RABGEF1: variants seen among roughly 807,000 people sequenced by gnomAD.
RABGEF1 encodes RAB guanine nucleotide exchange factor 1, also known as rab5 GDP/GTP exchange factor.
A neutral mutation model predicts 57.3 loss-of-function variants in RABGEF1; 26 were observed. The observed-to-expected ratio is 0.45, with a 90% CI of 0.33 to 0.63. The LOEUF is 0.63. Among genes scored for constraint, RABGEF1 ranks in the 20% least tolerant of loss-of-function variants. The pLI is 0.02. For missense variants in RABGEF1, 464 were observed against 607.6 expected, an observed-to-expected ratio of 0.76 and a Z score of 2.48; for synonymous variants, 185 against 210.7, an observed-to-expected ratio of 0.88 and a Z score of 1.06.
chr7:66,684,211 C>T (rs1277893678), intron 1 of RABGEF1, among the ~76,000 whole-genome samples: 1 of 151,974 alleles, frequency 6.6e-6, no homozygotes, highest in Non-Finnish European at 1.5e-5. Flanking sequence ...TTTGGGAGGC[C>T]GAGGCGGTTG....
In RABGEF1 at chr7:66,688,085, CAAAAAAAA is replaced by C. The variant is rs60925853; in HGVS notation, c.-873+5842_-873+5849del. ...GGGCAACAAGAGTGAAACTCTGTGT[CAAAAAAAA>C]AAAAAAAAAAAAAAGTAACCAAATG... On this transcript the variant is annotated intron_variant and NMD_transcript_variant, in intron 1 of 9. Transcript: ENST00000607882. Among the ~76,000 whole-genome samples, 5 of 109,168 alleles carry C rather than the reference CAAAAAAAA, an allele frequency of 4.6e-5. No individual in the cohort carries two copies. In the Admixed American group the frequency reaches 5.2e-4, roughly 11 times the overall value. 71.6% of individuals were successfully genotyped at this position (109,168 alleles called of 152,430 possible). A position where few individuals can be genotyped will look rare whatever the true frequency, so the allele number is the denominator to read the frequency against.
Position 66,805,358 on chromosome 7 carries a change from C to T in RABGEF1, c.1039C>T (p.Leu347=), listed in dbSNP as rs1487169104. The T allele has an allele frequency of 6.2e-7, 1 of 1,614,254 alleles. No individual in the cohort carries two copies. Among genetic ancestry groups the T allele is most frequent in the Non-Finnish European group, 8.5e-7 (1 of 1,180,050 alleles). The part of the protein sequence containing the change: ...YITRFCNPSR[L]MTGEDGYYFT... ...CACGCGCTTCTGCAATCCAAGCCGA[C>T]TGATGACTGGAGAGGATGGCTACTA... Residue 347 remains leucine, a synonymous_variant, in exon 8 of 9, where the codon CTG becomes TTG. Coordinates refer to ENST00000284957, the MANE Select transcript of RABGEF1 (RefSeq NM_014504.3).
At chr7:66,673,476 G>C in the RABGEF1 span, among the ~76,000 whole-genome samples, 1 of 151,490 alleles carries the variant, frequency 6.6e-6, no homozygotes, top group Non-Finnish European at 1.5e-5. Context: ...GCATGTTCCT[G>C]AACCTGTCTG....
chr7:66,656,849 A>C, the RABGEF1 span, among the ~76,000 whole-genome samples: 1 of 149,672 alleles, frequency 6.7e-6, no homozygotes, highest in Non-Finnish European at 1.5e-5. Context: ...AAAGTAACCA[A>C]ATGAGACCAG....
At chr7:66,657,536 A>C in the RABGEF1 span, among the ~76,000 whole-genome samples, 1 of 152,250 alleles carries the variant, frequency 6.6e-6, no homozygotes, top group African/African-American at 2.4e-5. Context: ...TTTAAAAATA[A>C]GAAAGCCAGC....
chr7:66,767,008 T>C (rs1403091173), intron 1 of RABGEF1, among the ~76,000 whole-genome samples: 1 of 148,262 alleles, frequency 6.7e-6, no homozygotes, highest in African/African-American at 2.5e-5. Flanking sequence ...TTCTTTTTTT[T>C]TTTTTTTTTT....
In RABGEF1 at chr7:66,809,407, A is replaced by G. The variant is rs1348005792; in HGVS notation, c.*123A>G. 1.3e-5 allele frequency: 14 copies of G among 1,116,848 alleles called. No individual in the cohort carries two copies. The highest frequency in any genetic ancestry group is 1.6e-5 in the Non-Finnish European group (13 of 801,580). The allele number at this position is 1,116,848 out of a possible 1,614,324, so 69.2% of individuals were successfully genotyped here. On this transcript the variant is annotated 3_prime_UTR_variant, in exon 9 of 9. Transcript: ENST00000284957. Reference sequence around the variant, plus strand: ...AAATGTCAGCATTTTTTAAAGGTACAGTATATGGGGATTGTTTCGTTTTTC... The same window carrying G: ...AAATGTCAGCATTTTTTAAAGGTACGGTATATGGGGATTGTTTCGTTTTTC...
the RABGEF1 span, among the ~76,000 whole-genome samples, chr7:66,656,287 T>G: frequency 6.6e-6 from 1 of 152,088 alleles, no homozygotes; most frequent in Non-Finnish European, 1.5e-5. Flanking sequence ...CAGCTGATTT[T>G]TAAATATTTT....
chr7:66,695,792 C>G (rs1792230964), intron 1 of RABGEF1, among the ~76,000 whole-genome samples: 1 of 151,978 alleles, frequency 6.6e-6, no homozygotes, highest in Non-Finnish European at 1.5e-5. Context: ...ATGGTGAAAC[C>G]CTGTCTTTAC....
At chr7:66,776,791 AGGG>A (rs1247362488) in intron 3 of RABGEF1, among the ~76,000 whole-genome samples, 1 of 152,204 alleles carries the variant, frequency 6.6e-6, no homozygotes, top group African/African-American at 2.4e-5. Context: ...TCTACGAAAA[AGGG>A]GGGAAAAATT....
In RABGEF1 at chr7:66,811,136, C is replaced by G. The variant is rs1562902526; in HGVS notation, c.*1852C>G. ...TTAATTCCTTTGGAAATACACAGTT[C>G]GTTTAGTTACTGTACACTCTGTTTG... On this transcript the variant is annotated 3_prime_UTR_variant, in exon 9 of 9. Transcript: ENST00000284957. The G allele has an allele frequency of 6.6e-6, 1 of 151,382 alleles. No individual in the cohort carries two copies. Among genetic ancestry groups the G allele is most frequent in the African/African-American group, 2.4e-5 (1 of 41,272 alleles). The allele number at this position is 151,382 out of a possible 1,614,324, so 9.4% of individuals were successfully genotyped here. A position where few individuals can be genotyped will look rare whatever the true frequency, so the allele number is the denominator to read the frequency against.
the RABGEF1 span, among the ~76,000 whole-genome samples, chr7:66,657,885 C>T: frequency 6.6e-6 from 1 of 152,046 alleles, no homozygotes; most frequent in Admixed American, 6.6e-5. Context: ...CCTCACTATA[C>T]CCTCTAAAGG....
chr7:66,778,982 G>C (rs1809214052), intron 3 of RABGEF1, among the ~76,000 whole-genome samples: 1 of 152,124 alleles, frequency 6.6e-6, no homozygotes, highest in Non-Finnish European at 1.5e-5. Flanking sequence ...AGGTGTGGAA[G>C]TGTGCGCCTG....
chr7:66,720,274 T>G (rs919054623), intron 2 of RABGEF1, among the ~76,000 whole-genome samples: 2 of 150,660 alleles, frequency 1.3e-5, no homozygotes, highest in Admixed American at 6.6e-5. Context: ...CTCGGCTCAC[T>G]GTAACCTCTG....
chr7:66,657,224 G>A, the RABGEF1 span, among the ~76,000 whole-genome samples: 1 of 152,198 alleles, frequency 6.6e-6, no homozygotes. Context: ...ATATTGTCCA[G>A]AGTATACAGT....
chr7:66,682,440 G>T (rs1317473942), intron 1 of RABGEF1, among the ~76,000 whole-genome samples: 7 of 152,174 alleles, frequency 4.6e-5, no homozygotes, highest in Non-Finnish European at 1.0e-4. Flanking sequence ...GGCCGCCCTC[G>T]GTTCCCTTAA....
At chr7:66,711,639 T>G (rs1794792605) in intron 1 of RABGEF1, among the ~76,000 whole-genome samples, 1 of 152,046 alleles carries the variant, frequency 6.6e-6, no homozygotes, top group Non-Finnish European at 1.5e-5. Context: ...CAGGCTGGGA[T>G]GCAGTGGCAC....
intron 4 of RABGEF1, among the ~76,000 whole-genome samples, chr7:66,795,190 G>A (rs976245025): frequency 3.3e-5 from 5 of 152,066 alleles, no homozygotes; most frequent in South Asian, 2.1e-4. Flanking sequence ...TGAGTGTCTC[G>A]GATTCCCCCT....
At chr7:66,785,829 G>A (rs1811044551) in intron 4 of RABGEF1, among the ~76,000 whole-genome samples, 1 of 151,890 alleles carries the variant, frequency 6.6e-6, no homozygotes, top group Non-Finnish European at 1.5e-5. Flanking sequence ...AGCGGAGATT[G>A]CACCACTGCA....
Sources: allele counts gnomAD v4.1 joint callset (sites outside exome capture counted in the v4.1 genomes callset), GRCh38; gene constraint gnomAD v4.1.1; transcripts MANE v1.5; gene names NCBI Gene and HGNC (gene_info 2026-07-23, HGNC 2026-07-21).